The following DGKB variants were observed in gnomAD, a reference collection of about 807,000 sequenced individuals.
The protein encoded by DGKB is 90 kDa diacylglycerol kinase.
Under a neutral mutation model 114.3 loss-of-function variants are expected in DGKB, and 67 were observed. The observed-to-expected ratio is 0.59, with a 90% CI of 0.48 to 0.72. DGKB has a LOEUF of 0.72. DGKB is among the 30% of genes least tolerant of loss of function. DGKB has a pLI of 0.00. For synonymous variants in DGKB, 398 were observed against 323.1 expected, an observed-to-expected ratio of 1.23 and a Z score of -2.49; for missense variants, 907 against 975.2, an observed-to-expected ratio of 0.93 and a Z score of 0.93.
intron 1 of DGKB, among the ~76,000 whole-genome samples, chr7:14,918,115 A>G (rs1249292285): frequency 6.6e-6 from 1 of 152,178 alleles, no homozygotes; most frequent in Non-Finnish European, 1.5e-5. Context: ...TTGATAAAGA[A>G]TATCTACAAT....
chr7:14,572,578 G>A (rs1798562134), intron 20 of DGKB, among the ~76,000 whole-genome samples: 2 of 151,940 alleles, frequency 1.3e-5, no homozygotes, highest in African/African-American at 4.8e-5. Context: ...GAGTTAAAAA[G>A]TCTGGTAACC....
Position 14,843,592 on chromosome 7 carries a change from C to T in DGKB, c.-187-2142G>A, listed in dbSNP as rs552840106. On this transcript the variant is annotated intron_variant, in intron 1 of 25. Coordinates refer to ENST00000402815, the MANE Select transcript of DGKB (RefSeq NM_001350709.2). The stretch of plus-strand genomic sequence containing the variant: ...CTCATGATCCACCCGCCTCGGCCTC[C>T]CAAAGTGCTGGGATTACAGGCGTGA... Among the ~76,000 whole-genome samples the T allele has an allele frequency of 1.1e-4, 17 of 152,100 alleles. 1 individual carries two copies. In the South Asian group the frequency reaches 3.5e-3, roughly 32 times the overall value.
intron 1 of DGKB, among the ~76,000 whole-genome samples, chr7:14,934,398 G>A (rs986843990): frequency 6.6e-6 from 1 of 152,116 alleles, no homozygotes; most frequent in Admixed American, 6.6e-5. Flanking sequence ...AAGCAATTAT[G>A]TGAAAATATG....
chr7:14,337,051 C>T (rs1242758061), intron 23 of DGKB, among the ~76,000 whole-genome samples: 1 of 152,108 alleles, frequency 6.6e-6, no homozygotes, highest in Non-Finnish European at 1.5e-5. Context: ...CCTAATAATA[C>T]AGGCTATACA....
intron 8 of DGKB, 94 bp downstream of exon 8, chr7:14,697,997 AAAAG>A (rs3071276): frequency 0.51 from 348,162 of 678,366 alleles, 93,765 homozygotes; most frequent in East Asian, 0.86. Context: ...GAGAAAGAAA[AAAAG>A]AAAGAAAGAA....
At chr7:14,408,817 T>A (rs2128741846) in intron 21 of DGKB, among the ~76,000 whole-genome samples, 1 of 152,142 alleles carries the variant, frequency 6.6e-6, no homozygotes, top group South Asian at 2.1e-4. Flanking sequence ...ATTGTAAAAC[T>A]TATTGAAGAT....
At chr7:14,318,965 T>G (rs1266639099) in intron 23 of DGKB, among the ~76,000 whole-genome samples, 2 of 152,102 alleles carry the variant, frequency 1.3e-5, no homozygotes, top group Admixed American at 6.6e-5. Flanking sequence ...CCATAAAAAA[T>G]GATGCGTTCA....
intron 5 of DGKB, among the ~76,000 whole-genome samples, chr7:14,721,524 C>G (rs111542584): frequency 1.3e-5 from 2 of 151,920 alleles, no homozygotes; most frequent in East Asian, 3.9e-4. Flanking sequence ...ACATGGAATA[C>G]GGTTAAATGA....
intron 1 of DGKB, among the ~76,000 whole-genome samples, chr7:14,921,028 G>T (rs1372097368): frequency 1.3e-5 from 2 of 152,192 alleles, no homozygotes; most frequent in East Asian, 3.9e-4. Context: ...TGAAGAGTTG[G>T]TGTACAGATT....
intron 17 of DGKB, among the ~76,000 whole-genome samples, chr7:14,597,198 A>T (rs2128755146): frequency 6.6e-6 from 1 of 152,222 alleles, no homozygotes; most frequent in East Asian, 1.9e-4. Context: ...ACAGAGCAAG[A>T]CTCCGTCTCA....
chr7:14,799,333 A>T (rs1308102061), intron 2 of DGKB, among the ~76,000 whole-genome samples: 2 of 152,164 alleles, frequency 1.3e-5, no homozygotes. Context: ...TCTGCCTCAT[A>T]ATTTAGTTAA....
chr7:14,402,388 T>G (rs1823269689), intron 21 of DGKB, among the ~76,000 whole-genome samples: 1 of 151,896 alleles, frequency 6.6e-6, no homozygotes, highest in Admixed American at 6.6e-5. Flanking sequence ...AGTTTCTTAC[T>G]AACATTGCTT....
chr7:14,176,253 G>T, intron 25 of DGKB: 1 of 836,796 alleles, frequency 1.2e-6, no homozygotes, highest in Non-Finnish European at 1.4e-6. Context: ...TTCCTAGCAT[G>T]TTTTTGAAAT....
chr7:14,616,187 G>GTATATACATA (rs929398963), intron 15 of DGKB, among the ~76,000 whole-genome samples: 2 of 146,956 alleles, frequency 1.4e-5, no homozygotes, highest in Non-Finnish European at 3.0e-5. Context: ...ACATTCTCTC[G>GTATATACATA]TATATACATA....
chr7:14,745,937 A>G (rs1271433739), intron 4 of DGKB, among the ~76,000 whole-genome samples: 2 of 152,228 alleles, frequency 1.3e-5, no homozygotes, highest in African/African-American at 2.4e-5. Flanking sequence ...TTCAGCATGC[A>G]GGAAAACTTT....
At chr7:14,848,404 T>C (rs1056642310) in intron 1 of DGKB, among the ~76,000 whole-genome samples, 1 of 152,130 alleles carries the variant, frequency 6.6e-6, no homozygotes. Flanking sequence ...AATCACTATG[T>C]TGTTTTGGGA....
At chr7:14,207,646 TCTC>T (rs1324522532) in intron 23 of DGKB, among the ~76,000 whole-genome samples, 2 of 151,990 alleles carry the variant, frequency 1.3e-5, no homozygotes, top group African/African-American at 4.8e-5. Flanking sequence ...ATGTTCCTTT[TCTC>T]CTCCCACAAA....
At chr7:14,726,179 G>A (rs147889394) in intron 5 of DGKB, among the ~76,000 whole-genome samples, 2,458 of 151,584 alleles carry the variant, frequency 0.016, 70 homozygotes, top group African/African-American at 0.056. Context: ...TCACTCTGTC[G>A]CCCAGACTGG....
intron 23 of DGKB, among the ~76,000 whole-genome samples, chr7:14,320,613 T>C (rs890243564): frequency 6.6e-6 from 1 of 151,700 alleles, no homozygotes; most frequent in African/African-American, 2.4e-5. Context: ...ATATATGTGG[T>C]ACATATATAT....
Sources: allele counts gnomAD v4.1 joint callset (sites outside exome capture counted in the v4.1 genomes callset), GRCh38; gene constraint gnomAD v4.1.1; transcripts MANE v1.5; gene names NCBI Gene and HGNC (gene_info 2026-07-23, HGNC 2026-07-21).